Variants in HKDC1 observed in about 807,000 individuals in gnomAD.
HKDC1 encodes the protein hexokinase domain containing 1.
A neutral mutation model predicts 96.6 loss-of-function variants in HKDC1; 66 were observed. That is an observed-to-expected ratio of 0.68 (90% CI 0.56 to 0.84). The LOEUF (loss-of-function observed/expected upper bound fraction) is 0.84, where lower values mean the gene tolerates loss of function less well. HKDC1 is among the 40% of genes least tolerant of loss of function. The probability of loss-of-function intolerance (pLI) is 0.00; values close to 1 mark genes in which losing one functional copy is unlikely to be tolerated. For synonymous variants in HKDC1, 466 were observed against 473.1 expected, an observed-to-expected ratio of 0.98 and a Z score of 0.20; for missense variants, 1,211 against 1,208.1, an observed-to-expected ratio of 1.00 and a Z score of -0.04.
At position 69,231,495 on chromosome 10, in the gene HKDC1, C is replaced by CGGCAGCCT. The variant is rs1187098763; in HGVS notation, c.227-1259_227-1252dup. Among the ~76,000 whole-genome samples the CGGCAGCCT allele has an allele frequency of 3.3e-5, 5 of 152,114 alleles. No individual in the cohort carries two copies. The East Asian group carries it at 7.7e-4, about 23-fold the overall frequency. ...TTCCTCTCCCTGGGACCCCCGCTCC[C>CGGCAGCCT]GGCAGCCTGGCAGCCTGACTCCTGC... On this transcript the variant is annotated intron_variant, in intron 2 of 17. Coordinates refer to ENST00000354624, the MANE Select transcript of HKDC1 (RefSeq NM_025130.4).
intron 10 of HKDC1, among the ~76,000 whole-genome samples, chr10:69,249,790 C>T (rs542805353): frequency 1.3e-5 from 2 of 152,306 alleles, no homozygotes; most frequent in African/African-American, 2.4e-5. Context: ...TGAGCCACCG[C>T]GCCAGACCGG....
rs369848888 is a variant in HKDC1 at position 69,240,644 on chromosome 10, T to G, written c.592-8T>G. ...CCCGCTGATTCCCTCTGGCCTTGTGTTCGGCAGGACATGGACGTGGACATC... is the reference window on the plus strand; with the variant it reads ...CCCGCTGATTCCCTCTGGCCTTGTGGTCGGCAGGACATGGACGTGGACATC... On this transcript the variant is annotated splice_region_variant and splice_polypyrimidine_tract_variant and intron_variant, in intron 5 of 17. Transcript: ENST00000354624. 41 of 1,612,534 alleles carry G rather than the reference T, an allele frequency of 2.5e-5. No homozygotes were observed. The African/African-American group carries it at 5.3e-4, about 21-fold the overall frequency.
At chr10:69,257,176 C>T in intron 13 of HKDC1, 45 bp downstream of exon 13, 2 of 1,552,552 alleles carry the variant, frequency 1.3e-6, no homozygotes. Context: ...GCTGCCTTCC[C>T]CAGGCCCCTC....
Position 69,266,659 on chromosome 10 carries a change from G to A in HKDC1, c.2656G>A (p.Asp886Asn), listed in dbSNP as rs141171820. ...ETVKELAPRC[D>N]VTFMLSEDGS... The stretch of plus-strand genomic sequence containing the variant: ...TGTGAAGGAACTAGCCCCTCGATGT[G>A]ATGTGACATTCATGCTGTCAGAAGA... Residue 886 changes from aspartate (D) to asparagine (N), a missense_variant, in exon 18 of 18, where the codon GAT (aspartate) becomes AAT (asparagine). Asp to Asn is a conservative substitution (Grantham distance 23, BLOSUM62 1). Coordinates refer to ENST00000354624, the MANE Select transcript of HKDC1 (RefSeq NM_025130.4). 4.4e-5 allele frequency: 71 copies of A among 1,614,152 alleles called. No homozygotes were observed. In the African/African-American group the frequency reaches 7.5e-4, roughly 17 times the overall value.
Position 69,245,968 on chromosome 10 carries a change from C to T in HKDC1, c.876-111C>T, listed in dbSNP as rs556050750. The T allele has an allele frequency of 1.9e-5, 26 of 1,346,922 alleles. No homozygotes were observed. In the African/African-American group the frequency reaches 3.6e-4, roughly 19 times the overall value. 83.4% of individuals were successfully genotyped at this position (1,346,922 alleles called of 1,614,324 possible). On this transcript the variant is annotated intron_variant, in intron 7 of 17. Transcript: ENST00000354624. ...CTTTGCGAGAAGGAGGGAATCTTAG[C>T]TCAGCCCTCTCCCATGTGCTCCTTC...
chr10:69,262,244 C>G, intron 16 of HKDC1: 1 of 184,248 alleles, frequency 5.4e-6, no homozygotes, highest in South Asian at 9.3e-5. Flanking sequence ...CTATAATTTA[C>G]TAAACTTTCC....
At chr10:69,226,247 C>A (rs1843153828) in intron 1 of HKDC1, among the ~76,000 whole-genome samples, 1 of 152,164 alleles carries the variant, frequency 6.6e-6, no homozygotes, top group African/African-American at 2.4e-5. Flanking sequence ...GTCCTCTGTC[C>A]CCGTTTCCTG....
chr10:69,248,611 G>T lies in HKDC1; in HGVS notation c.1453G>T (p.Val485Leu), dbSNP rs773242941. The T allele has an allele frequency of 4.3e-6, 7 of 1,614,120 alleles. No homozygotes were observed. Among genetic ancestry groups the T allele is most frequent in the Non-Finnish European group, 5.9e-6 (7 of 1,180,022 alleles). Residue 485 changes from valine to leucine, a missense_variant, in exon 10 of 18, where the codon GTG becomes TTG. Physicochemically the swap from Val to Leu is conservative, Grantham distance 32. Coordinates refer to ENST00000354624, the MANE Select transcript of HKDC1 (RefSeq NM_025130.4). The stretch of plus-strand genomic sequence containing the variant: ...GTTCCAGCTGACCCGAGAGCAGCTC[G>T]TGGACGTGCAGGCCAAGATGCGGGC... The part of the protein sequence containing the change: ...ALFQLTREQL[V>L]DVQAKMRAEL...
rs143504382 is a variant in HKDC1 at position 69,262,131 on chromosome 10, G to A, written c.2372+837G>A. The A allele has an allele frequency of 5.8e-3, 2,371 of 409,320 alleles. 14 individuals are homozygous for A. The highest frequency in any genetic ancestry group is 8.5e-3 in the Admixed American group (295 of 34,722). The allele number at this position is 409,320 out of a possible 1,614,324, so 25.4% of individuals were successfully genotyped here. A position where few individuals can be genotyped will look rare whatever the true frequency, so the allele number is the denominator to read the frequency against. On this transcript the variant is annotated intron_variant, in intron 16 of 17. Transcript: ENST00000354624. ...GACATCGTAAATGGTGATGATTCCT[G>A]CAGTTATTAGCTGGAATACTTCTAG... is the stretch of plus-strand genomic sequence containing the variant.
At chr10:69,251,125 G>A (rs1246975709) in intron 12 of HKDC1, among the ~76,000 whole-genome samples, 1 of 68,908 alleles carries the variant, frequency 1.5e-5, no homozygotes, top group Non-Finnish European at 2.7e-5. Context: ...ACAGAGTTTT[G>A]CTCTTGTCAC....
Position 69,242,229 on chromosome 10 carries a change from C to T in HKDC1, c.692-953C>T, listed in dbSNP as rs186805471. ...CCAGGAGCCTCAGAATGGTTCAGGC[C>T]CTTGCCAGTCATGGCACCCGCCTGT... On this transcript the variant is annotated intron_variant, in intron 6 of 17. Coordinates refer to ENST00000354624, the MANE Select transcript of HKDC1 (RefSeq NM_025130.4). 2.6e-4 allele frequency among the ~76,000 whole-genome samples: 39 copies of T among 152,294 alleles called. No individual in the cohort carries two copies. In the Middle Eastern group the frequency reaches 0.014, roughly 53 times the overall value.
chr10:69,234,155 C>T (rs564846923), intron 4 of HKDC1, among the ~76,000 whole-genome samples: 14 of 152,152 alleles, frequency 9.2e-5, no homozygotes, highest in Non-Finnish European at 2.1e-4. Context: ...CCGGGCCACT[C>T]CTGTCTGGGT....
At chr10:69,262,292 CCT>C (rs986457719) in intron 16 of HKDC1, among the ~76,000 whole-genome samples, 3 of 152,136 alleles carry the variant, frequency 2.0e-5, no homozygotes, top group Admixed American at 1.3e-4. Context: ...TTTATAAATT[CCT>C]GTTATTCTGA....
chr10:69,248,951 C>T (rs1328481223), intron 10 of HKDC1: 3 of 548,936 alleles, frequency 5.5e-6, no homozygotes, highest in African/African-American at 1.9e-5. Context: ...CACAAAAAGC[C>T]TACATTAGGT....
chr10:69,224,347 G>A (rs746493349), intron 1 of HKDC1, among the ~76,000 whole-genome samples: 1 of 152,066 alleles, frequency 6.6e-6, no homozygotes, highest in Non-Finnish European at 1.5e-5. Flanking sequence ...GCAGTGGCGC[G>A]ATCTCGGCTC....
intron 15 of HKDC1, among the ~76,000 whole-genome samples, chr10:69,260,809 G>GT (rs767506397): frequency 2.6e-5 from 4 of 152,182 alleles, no homozygotes; most frequent in Non-Finnish European, 5.9e-5. Context: ...GTTTCAATGT[G>GT]TTAACTCACA....
chr10:69,262,833 T>C (rs1331407559), intron 16 of HKDC1, among the ~76,000 whole-genome samples: 1 of 152,112 alleles, frequency 6.6e-6, no homozygotes, highest in East Asian at 1.9e-4. Flanking sequence ...ATCATCACGC[T>C]TGGTGACCAA....
At chr10:69,227,527 C>T (rs1296939983) in intron 2 of HKDC1, among the ~76,000 whole-genome samples, 158 bp downstream of exon 2, 1 of 152,068 alleles carries the variant, frequency 6.6e-6, no homozygotes, top group African/African-American at 2.4e-5. Flanking sequence ...TGCTGAATCC[C>T]TCTTGCAGTT....
chr10:69,266,665 A>T lies in HKDC1; in HGVS notation c.2662A>T (p.Thr888Ser), dbSNP rs765315857. The change falls in exon 18 of 18, where the codon ACA becomes TCA. Residue 888 changes from threonine to serine, a missense_variant. Physicochemically the swap from Thr to Ser is moderately conservative, Grantham distance 58. Coordinates refer to ENST00000354624, the MANE Select transcript of HKDC1 (RefSeq NM_025130.4). Reference sequence around the variant, plus strand: ...GGAACTAGCCCCTCGATGTGATGTGACATTCATGCTGTCAGAAGATGGCAG... The same window carrying T: ...GGAACTAGCCCCTCGATGTGATGTGTCATTCATGCTGTCAGAAGATGGCAG... ...VKELAPRCDV[T>S]FMLSEDGSGK... is the part of the protein sequence containing the mutation. 3 of 1,614,046 alleles carry T rather than the reference A, an allele frequency of 1.9e-6. No homozygotes were observed. The highest frequency in any genetic ancestry group is 2.5e-6 in the Non-Finnish European group (3 of 1,179,998).
Sources: allele counts gnomAD v4.1 joint callset (sites outside exome capture counted in the v4.1 genomes callset), GRCh38; gene constraint gnomAD v4.1.1; transcripts MANE v1.5; gene names NCBI Gene and HGNC (gene_info 2026-07-23, HGNC 2026-07-21).